Variants in C3orf22 observed in about 807,000 individuals in gnomAD.
C3orf22 encodes the protein chromosome 3 open reading frame 22, also known as uncharacterized protein C3orf22.
Under a neutral mutation model 10.8 loss-of-function variants are expected in C3orf22, and 7 were observed. The ratio of observed to expected loss-of-function variants is 0.65; its 90% CI spans 0.37 to 1.22. The LOEUF (loss-of-function observed/expected upper bound fraction) is 1.22. C3orf22 is among the 50% of genes most tolerant of loss of function. The pLI is 0.02. For synonymous variants in C3orf22, 79 were observed against 78.9 expected, an observed-to-expected ratio of 1.00 and a Z score of 0.00; for missense variants, 173 against 177.0, an observed-to-expected ratio of 0.98 and a Z score of 0.13.
rs575022875 is a variant in C3orf22, at chr3:126,534,484, C to G, written c.287-5112G>C. Among the ~76,000 whole-genome samples the G allele has an allele frequency of 4.7e-5, 7 of 150,382 alleles. No individual in the cohort carries two copies. In the South Asian group the frequency reaches 1.5e-3, roughly 32 times the overall value. On this transcript the variant is annotated intron_variant and NMD_transcript_variant, in intron 4 of 5. Transcript: ENST00000505070. ...CACCCAGGAGACAGACAGACAGCAT[C>G]CTTGTCCTCAGCTAGCAGAAAAACA...
chr3:126,551,121 G>A (rs1206717987), intron 3 of C3orf22, among the ~76,000 whole-genome samples: 1 of 152,256 alleles, frequency 6.6e-6, no homozygotes, highest in African/African-American at 2.4e-5. Context: ...CTTTGTGTGT[G>A]TGTGTGTGTG....
rs1937415644 is a variant in C3orf22, at chr3:126,558,841, C to T, written c.-255G>A. 6.6e-6 allele frequency: 1 copy of T among 152,302 alleles called. No individual in the cohort carries two copies. Among genetic ancestry groups the T allele is most frequent in the African/African-American group, 2.4e-5 (1 of 41,472 alleles). 9.4% of individuals were successfully genotyped at this position (152,302 alleles called of 1,614,324 possible). ...CAAGCTGCAGGACCCTGTGGGCTGG[C>T]TTATGTGACGCCAGGCAGACTGAAG... On this transcript the variant is annotated 5_prime_UTR_variant, in exon 1 of 4. Transcript: ENST00000318225.
intron 4 of C3orf22, among the ~76,000 whole-genome samples, chr3:126,532,043 T>C (rs1280028869): frequency 2.0e-5 from 3 of 152,252 alleles, no homozygotes; most frequent in African/African-American, 7.2e-5. Flanking sequence ...CACCTTTTCA[T>C]GTGCTTATTG....
chr3:126,541,152 G>T (rs1936949769), intron 4 of C3orf22, among the ~76,000 whole-genome samples: 2 of 152,210 alleles, frequency 1.3e-5, no homozygotes, highest in African/African-American at 2.4e-5. Flanking sequence ...GCCAGTCGTT[G>T]TTCCTTCTCA....
At chr3:126,532,496 A>G (rs538049329) in intron 4 of C3orf22, among the ~76,000 whole-genome samples, 2 of 152,338 alleles carry the variant, frequency 1.3e-5, no homozygotes, top group South Asian at 4.1e-4. Flanking sequence ...TGAATATCTC[A>G]TGCTGTCTCA....
chr3:126,535,283 T>TG (rs1936756231), intron 4 of C3orf22, among the ~76,000 whole-genome samples: 1 of 121,436 alleles, frequency 8.2e-6, no homozygotes, highest in Non-Finnish European at 1.7e-5. Flanking sequence ...TGTCCTCAGC[T>TG]GGAGAAAGAC....
chr3:126,529,430 C>T, intron 4 of C3orf22: 1 of 1,281,356 alleles, frequency 7.8e-7, no homozygotes, highest in Non-Finnish European at 1.0e-6. Flanking sequence ...AGAGGCAGGG[C>T]AGCATGGGTG....
intron 1 of C3orf22, among the ~76,000 whole-genome samples, chr3:126,555,471 C>T (rs1427748839): frequency 6.6e-6 from 1 of 152,188 alleles, no homozygotes; most frequent in Non-Finnish European, 1.5e-5. Flanking sequence ...AGGTGGGTGG[C>T]AGGTGAGTGA....
chr3:126,556,207 C>T lies in C3orf22; in HGVS notation c.-41+2420G>A, dbSNP rs527683965. Reference sequence around the variant, plus strand: ...CTCACCTCCACACCTGGAGGCCAGGCCTTTGACTCCCTCCGGCTGCAGAGA... The same window carrying T: ...CTCACCTCCACACCTGGAGGCCAGGTCTTTGACTCCCTCCGGCTGCAGAGA... On this transcript the variant is annotated intron_variant, in intron 1 of 3. Coordinates refer to ENST00000318225, the MANE Select transcript of C3orf22 (RefSeq NM_152533.3). 4.6e-5 allele frequency among the ~76,000 whole-genome samples: 7 copies of T among 152,276 alleles called. No individual in the cohort carries two copies. In the East Asian group the frequency reaches 1.4e-3, roughly 29 times the overall value.
intron 3 of C3orf22, among the ~76,000 whole-genome samples, chr3:126,551,140 T>C (rs1937172971): frequency 6.6e-6 from 1 of 152,192 alleles, no homozygotes; most frequent in Non-Finnish European, 1.5e-5. Flanking sequence ...TGCGTGGCAC[T>C]ACTATCTCTC....
At chr3:126,540,505 G>T (rs910761599) in intron 4 of C3orf22, among the ~76,000 whole-genome samples, 2 of 152,202 alleles carry the variant, frequency 1.3e-5, no homozygotes, top group African/African-American at 4.8e-5. Flanking sequence ...TTTTGTGACT[G>T]TACTATTCGC....
chr3:126,542,093 G>C (rs1308140476), intron 4 of C3orf22: 3 of 1,583,534 alleles, frequency 1.9e-6, no homozygotes, highest in African/African-American at 1.4e-5. Context: ...CGAGCGCCTG[G>C]CATCGGCTTA....
chr3:126,533,066 T>G lies in C3orf22; in HGVS notation c.287-3694A>C, dbSNP rs951427351. On this transcript the variant is annotated intron_variant and NMD_transcript_variant, in intron 4 of 5. Coordinates refer to the C3orf22 transcript ENST00000505070. ...GCTAGTATATAGAATATAATTGACTTTTGTATATTAATCTTGCATCGTGCA... is the reference window on the plus strand; with the variant it reads ...GCTAGTATATAGAATATAATTGACTGTTGTATATTAATCTTGCATCGTGCA... Among the ~76,000 whole-genome samples, 21 of 152,358 alleles carry G rather than the reference T, an allele frequency of 1.4e-4. 1 individual carries two copies. The South Asian group carries it at 1.9e-3, about 14-fold the overall frequency.
intron 2 of C3orf22, 56 bp downstream of exon 2, chr3:126,553,246 G>C (rs1937242016): frequency 2.4e-6 from 3 of 1,253,470 alleles, no homozygotes; most frequent in Non-Finnish European, 3.5e-6. Flanking sequence ...TTCCCAGGAT[G>C]CTGGGGTGAC....
At chr3:126,551,113 T>TTG (rs142548027) in intron 3 of C3orf22, among the ~76,000 whole-genome samples, 4,748 of 150,804 alleles carry the variant, frequency 0.031, 89 homozygotes, top group African/African-American at 0.057. Flanking sequence ...AGTCTGTTCT[T>TTG]TGTGTGTGTG....
downstream of C3orf22, among the ~76,000 whole-genome samples, chr3:126,546,567 G>A (rs1033409808): frequency 6.6e-5 from 10 of 152,104 alleles, no homozygotes; most frequent in South Asian, 2.1e-4. Flanking sequence ...CTCCCTCCCC[G>A]CCTCTCCCTC....
At chr3:126,556,862 TCA>T (rs1409528081) in intron 1 of C3orf22, among the ~76,000 whole-genome samples, 2 of 130,444 alleles carry the variant, frequency 1.5e-5, no homozygotes, top group Non-Finnish European at 3.2e-5. Context: ...ACACACAGAC[TCA>T]CATACACACA....
chr3:126,528,144 G>A (rs964197023), intron 5 of C3orf22, among the ~76,000 whole-genome samples: 6 of 151,678 alleles, frequency 4.0e-5, no homozygotes, highest in Non-Finnish European at 7.4e-5. Flanking sequence ...CTGTGGGTGG[G>A]GCTCTGGGTC....
chr3:126,557,014 C>CTACA (rs1553710552), intron 1 of C3orf22, among the ~76,000 whole-genome samples: 3 of 151,520 alleles, frequency 2.0e-5, no homozygotes, highest in Non-Finnish European at 4.4e-5. Flanking sequence ...ACACACAGAC[C>CTACA]CACACAAACT....
Sources: allele counts gnomAD v4.1 joint callset (sites outside exome capture counted in the v4.1 genomes callset), GRCh38; gene constraint gnomAD v4.1.1; transcripts MANE v1.5; gene names NCBI Gene and HGNC (gene_info 2026-07-23, HGNC 2026-07-21).